FNDC1: variants seen among roughly 807,000 people sequenced by gnomAD.
FNDC1 encodes fibronectin type III domain-containing protein 1.
FNDC1 carries 96 observed loss-of-function variants against 168.0 expected under a neutral mutation model. The observed-to-expected ratio is 0.57, with a 90% CI of 0.48 to 0.68. The LOEUF is 0.68. FNDC1 is among the 30% of genes least tolerant of loss of function. The pLI is 0.00. For missense variants in FNDC1, 2,587 were observed against 2,482.1 expected (o/e 1.04, Z -0.90); for synonymous variants, 1,099 against 1,025.9 (o/e 1.07, Z -1.36).
Position 159,233,287 on chromosome 6 carries a change from C to A in FNDC1, c.2775C>A (p.Ile925=). ...RGASLHRKEP[I]PENPKSTGAD... ...CCAGCCTGCATCGGAAGGAACCCAT[C>A]CCAGAGAACCCCAAATCCACAGGGG... Residue 925 remains isoleucine (I), a synonymous_variant, in exon 11 of 23, where the codon ATC becomes ATA. Coordinates refer to ENST00000297267, the MANE Select transcript of FNDC1 (RefSeq NM_032532.3). This position sits in a 1 kb window ranked among gnomAD's most constrained non-coding sequence, Gnocchi z 4.6. The A allele has an allele frequency of 6.2e-7, 1 of 1,613,964 alleles. No individual in the cohort carries two copies. The highest frequency in any genetic ancestry group is 8.5e-7 in the Non-Finnish European group (1 of 1,179,874).
At chr6:159,247,130 G>A (rs114412900) in intron 15 of FNDC1, among the ~76,000 whole-genome samples, 161 bp downstream of exon 15, 7 of 152,206 alleles carry the variant, frequency 4.6e-5, no homozygotes, top group African/African-American at 1.7e-4. Context: ...TGTACCCCAC[G>A]CTTCCTTGTC....
At chr6:159,177,183 G>A (rs1315430577) in intron 1 of FNDC1, among the ~76,000 whole-genome samples, 3 of 151,992 alleles carry the variant, frequency 2.0e-5, no homozygotes, top group Non-Finnish European at 1.5e-5. Context: ...GGCGGGGAGT[G>A]GTAAGTAACT....
At chr6:159,259,262 ATT>A (rs943714724) in intron 18 of FNDC1, among the ~76,000 whole-genome samples, 1 of 152,118 alleles carries the variant, frequency 6.6e-6, no homozygotes, top group Non-Finnish European at 1.5e-5. Flanking sequence ...TTAATTTCAT[ATT>A]GTTTTTCAGC....
chr6:159,265,932 A>G (rs1202741038), intron 20 of FNDC1, among the ~76,000 whole-genome samples, 152 bp from the exon 21 acceptor site: 2 of 123,850 alleles, frequency 1.6e-5, no homozygotes, highest in Non-Finnish European at 3.6e-5. Context: ...CATCAAAAAC[A>G]AACAAACAAA....
chr6:159,191,149 AG>A (rs1053148524), intron 1 of FNDC1, among the ~76,000 whole-genome samples: 8 of 152,180 alleles, frequency 5.3e-5, no homozygotes, highest in African/African-American at 1.7e-4. Context: ...GGACAGCACT[AG>A]GGGGATAGTG....
Position 159,201,354 on chromosome 6 carries a change from A to G in FNDC1, c.460+773A>G, listed in dbSNP as rs147801431. Among the ~76,000 whole-genome samples, 912 of 152,314 alleles carry G rather than the reference A, an allele frequency of 6.0e-3. 12 individuals are homozygous for G. The highest frequency in any genetic ancestry group is 0.021 in the African/African-American group (869 of 41,562). ...GATGATTATCTGCTTTTCAGACCAG[A>G]TTTGATAGTGTAGGTGGTCTTCACA... On this transcript the variant is annotated intron_variant, in intron 4 of 22. Transcript: ENST00000297267.
chr6:159,230,130 T>C, intron 10 of FNDC1, 127 bp downstream of exon 10: 1 of 739,032 alleles, frequency 1.4e-6, no homozygotes. Flanking sequence ...CTAAGTTGCA[T>C]ATTGATTTTT....
Position 159,233,427 on chromosome 6 carries a change from C to G in FNDC1, c.2915C>G (p.Thr972Arg), listed in dbSNP as rs1783151009. 9.9e-6 allele frequency: 16 copies of G among 1,611,364 alleles called. No individual in the cohort carries two copies. The highest frequency in any genetic ancestry group is 1.4e-5 in the Non-Finnish European group (16 of 1,179,356). Residue 972 changes from threonine to arginine, a missense_variant, in exon 11 of 23, where the codon ACA becomes AGA. Coordinates refer to ENST00000297267, the MANE Select transcript of FNDC1 (RefSeq NM_032532.3). The surrounding 1 kb of genome is among the most constrained non-coding windows in gnomAD (Gnocchi z 4.6). ...TCTCCCAAAGCACAGCCAGGGTCCA[C>G]AGACCGCCACGCGTCCCCTGCTCGT... ...GHSPKAQPGS[T>R]DRHASPARPP...
At chr6:159,252,714 T>C (rs756008028) in intron 17 of FNDC1, among the ~76,000 whole-genome samples, 1 of 152,234 alleles carries the variant, frequency 6.6e-6, no homozygotes, top group African/African-American at 2.4e-5. Flanking sequence ...GAAAATCTTT[T>C]TATTAATTGA....
chr6:159,204,614 G>A (rs294919), intron 4 of FNDC1, among the ~76,000 whole-genome samples: 6 of 151,900 alleles, frequency 3.9e-5, no homozygotes, highest in Admixed American at 2.0e-4. Context: ...TCATTTCAGC[G>A]GCCTCACTGC....
At chr6:159,171,389 A>C (rs1208017436) in intron 1 of FNDC1, among the ~76,000 whole-genome samples, 1 of 152,230 alleles carries the variant, frequency 6.6e-6, no homozygotes, top group Non-Finnish European at 1.5e-5. Flanking sequence ...TGTGGATGAA[A>C]TTATGGGGTA....
At position 159,233,195 on chromosome 6, in the gene FNDC1, C is replaced by G. The variant is rs760810477; in HGVS notation, c.2683C>G (p.Pro895Ala). The stretch of plus-strand genomic sequence containing the variant: ...TGCCACCGTTGTCAATGACCACGTG[C>G]CTTCCTCCTCCAGGCAGCCCATCTC... ...LPATVVNDHV[P>A]SSSRQPISRG... The change falls in exon 11 of 23, where the codon CCT becomes GCT. Residue 895 changes from proline to alanine, a missense_variant. Coordinates refer to ENST00000297267, the MANE Select transcript of FNDC1 (RefSeq NM_032532.3). This position sits in a 1 kb window ranked among gnomAD's most constrained non-coding sequence, Gnocchi z 4.6. 13 of 1,612,154 alleles carry G rather than the reference C, an allele frequency of 8.1e-6. No homozygotes were observed. The highest frequency in any genetic ancestry group is 2.2e-5 in the East Asian group (1 of 44,832).
At chr6:159,200,212 T>C (rs1406302791) in intron 3 of FNDC1, 130 bp downstream of exon 3, 3 of 723,650 alleles carry the variant, frequency 4.1e-6, no homozygotes, top group African/African-American at 3.6e-5. Flanking sequence ...TTTTTAGACT[T>C]GTATAGCAAG....
intron 1 of FNDC1, among the ~76,000 whole-genome samples, chr6:159,190,325 G>A (rs926255908): frequency 5.9e-5 from 9 of 152,228 alleles, no homozygotes; most frequent in African/African-American, 2.2e-4. Context: ...CGCTGCAGCC[G>A]AGGGTGATTG....
At chr6:159,193,138 C>T (rs1782172921) in intron 1 of FNDC1, among the ~76,000 whole-genome samples, 1 of 151,886 alleles carries the variant, frequency 6.6e-6, no homozygotes, top group African/African-American at 2.4e-5. Context: ...GTGTGTGTCC[C>T]TACATAGTGT....
intron 4 of FNDC1, among the ~76,000 whole-genome samples, chr6:159,205,483 A>G (rs1562636502): frequency 6.6e-6 from 1 of 152,032 alleles, no homozygotes; most frequent in Admixed American, 6.5e-5. Flanking sequence ...AATCCACCAA[A>G]CCATAATCTC....
intron 4 of FNDC1, among the ~76,000 whole-genome samples, chr6:159,203,441 C>T (rs906318859): frequency 2.0e-5 from 3 of 152,052 alleles, no homozygotes; most frequent in Non-Finnish European, 2.9e-5. Context: ...GGAGTTTGGG[C>T]AAGACTTAAG....
At chr6:159,209,445 A>G (rs1782552168) in intron 4 of FNDC1, among the ~76,000 whole-genome samples, 1 of 152,234 alleles carries the variant, frequency 6.6e-6, no homozygotes. Context: ...TGATGGATTT[A>G]GGGTACCCCG....
chr6:159,217,744 G>T (rs1468469744), intron 5 of FNDC1, among the ~76,000 whole-genome samples: 1 of 152,208 alleles, frequency 6.6e-6, no homozygotes, highest in Non-Finnish European at 1.5e-5. Context: ...AGCCAGCCCA[G>T]CGTATGGACT....
Sources: allele counts gnomAD v4.1 joint callset (sites outside exome capture counted in the v4.1 genomes callset), GRCh38; gene constraint gnomAD v4.1.1; non-coding constraint Gnocchi (gnomAD v3.1); transcripts MANE v1.5; gene names NCBI Gene and HGNC (gene_info 2026-07-23, HGNC 2026-07-21).